The following CXCL5 variants were observed in gnomAD, a reference collection of about 807,000 sequenced individuals.
CXCL5 encodes the protein C-X-C motif chemokine 5.
Under a neutral mutation model 12.1 loss-of-function variants are expected in CXCL5, and 13 were observed. That is an observed-to-expected ratio of 1.08 (90% CI 0.70 to 1.71). CXCL5 has a LOEUF of 1.71. Ranked by LOEUF, CXCL5 falls within the 40% of genes most tolerant of loss-of-function variation. The pLI is 0.00. For missense variants in CXCL5, 159 were observed against 142.4 expected, an observed-to-expected ratio of 1.12 and a Z score of -0.59; for synonymous variants, 67 against 59.0, an observed-to-expected ratio of 1.14 and a Z score of -0.62.
In CXCL5 at chr4:73,998,077, C is replaced by A. The variant is rs774823743; in HGVS notation, c.261G>T (p.Gly87=). 1.9e-6 allele frequency: 3 copies of A among 1,613,916 alleles called. No individual in the cohort carries two copies. The highest frequency in any genetic ancestry group is 2.5e-6 in the Non-Finnish European group (3 of 1,180,036). Residue 87 remains glycine, a synonymous_variant, in exon 3 of 4, where the codon GGG becomes GGT. Transcript: ENST00000296027. Reference sequence around the variant, plus strand: ...CTTCTGGATCAAGACAAATTTCCTTCCCGTTCTTCAGGGAGGCTCTGAAGG... The same window carrying A: ...CTTCTGGATCAAGACAAATTTCCTTACCGTTCTTCAGGGAGGCTCTGAAGG... ...KVEVVASLKN[G]KEICLDPEAP...
chr4:73,997,410 A>G lies in CXCL5; in HGVS notation c.*227T>C, dbSNP rs1187268414. The G allele has an allele frequency of 4.2e-6, 2 of 481,544 alleles. No individual in the cohort carries two copies. The highest frequency in any genetic ancestry group is 2.0e-5 in the African/African-American group (1 of 49,546). 29.8% of individuals were successfully genotyped at this position (481,544 alleles called of 1,614,324 possible). ...TAAAATAACAGCAAATAGCAGAGGT[A>G]CTATGCTAAACACTTCATTAGCTGA... is the stretch of plus-strand genomic sequence containing the variant. On this transcript the variant is annotated 3_prime_UTR_variant, in exon 4 of 4. Transcript: ENST00000296027.
chr4:73,997,626 AT>A lies in CXCL5; in HGVS notation c.*10del. ...CTGGGAAACTTTTCCATGCGTGCTCATTTCTCTTAATCAGTTTTCCTTGTTT... is the reference window on the plus strand; with the variant it reads ...CTGGGAAACTTTTCCATGCGTGCTCATTCTCTTAATCAGTTTTCCTTGTTT... On this transcript the variant is annotated 3_prime_UTR_variant, in exon 4 of 4. Transcript: ENST00000296027. The A allele has an allele frequency of 6.2e-7, 1 of 1,608,102 alleles. No homozygotes were observed. Among genetic ancestry groups the A allele is most frequent in the Non-Finnish European group, 8.5e-7 (1 of 1,176,828 alleles).
chr4:73,998,626 G>A lies in CXCL5; in HGVS notation c.-45C>T. ...CGAGCGGTCGCGGGTTCCTGAACTG[G>A]GTGGAGGAGCGGAGATTGGAGGAGC... On this transcript the variant is annotated 5_prime_UTR_variant, in exon 1 of 4. Coordinates refer to ENST00000296027, the MANE Select transcript of CXCL5 (RefSeq NM_002994.5). 1.3e-6 allele frequency: 2 copies of A among 1,511,852 alleles called. No individual in the cohort carries two copies. The highest frequency in any genetic ancestry group is 2.4e-5 in the South Asian group (2 of 83,438). The allele number at this position is 1,511,852 out of a possible 1,614,324, so 93.7% of individuals were successfully genotyped here.
chr4:73,997,736 G>A (rs1400888030), intron 3 of CXCL5, 81 bp from the exon 4 acceptor site: 6 of 1,164,008 alleles, frequency 5.2e-6, no homozygotes, highest in Non-Finnish European at 6.2e-6. Context: ...CAGCGTTTAT[G>A]ATGTTTGGTA....
rs1476818190 is a variant in CXCL5, at chr4:73,996,749, C to T, written c.*888G>A. On this transcript the variant is annotated 3_prime_UTR_variant, in exon 4 of 4. Transcript: ENST00000296027. ...TTTCCAAAACTTTCAGAGTACAAGT[C>T]ATTGTTAAGTTTGCCTTTACTTTAA... is the stretch of plus-strand genomic sequence containing the variant. 2 of 152,452 alleles carry T rather than the reference C, an allele frequency of 1.3e-5. No homozygotes were observed. The highest frequency in any genetic ancestry group is 4.8e-5 in the African/African-American group (2 of 41,386). The allele number at this position is 152,452 out of a possible 1,614,324, so 9.4% of individuals were successfully genotyped here. A position where few individuals can be genotyped will look rare whatever the true frequency, so the allele number is the denominator to read the frequency against.
chr4:73,997,673 A>G lies in CXCL5; in HGVS notation c.327-18T>C, dbSNP rs200824893. ...TGTTTCCACTGTTGAGAAAAATGTT[A>G]TATTAGTTTAACCATTTTTCACACT... On this transcript the variant is annotated intron_variant, in intron 3 of 3. Transcript: ENST00000296027. 8.2e-6 allele frequency: 13 copies of G among 1,593,968 alleles called. No homozygotes were observed. Among genetic ancestry groups the G allele is most frequent in the African/African-American group, 1.3e-5 (1 of 74,346 alleles).
At position 73,997,110 on chromosome 4, in the gene CXCL5, T is replaced by G. The variant is rs1719210079; in HGVS notation, c.*527A>C. On this transcript the variant is annotated 3_prime_UTR_variant, in exon 4 of 4. Coordinates refer to ENST00000296027, the MANE Select transcript of CXCL5 (RefSeq NM_002994.5). ...GAAATAATTAAATAGTATCCCACAA[T>G]CAAGAGTAAGGAAATTCTCTAACAT... is the stretch of plus-strand genomic sequence containing the variant. 6.6e-6 allele frequency: 1 copy of G among 152,264 alleles called. No homozygotes were observed. Among genetic ancestry groups the G allele is most frequent in the Non-Finnish European group, 1.5e-5 (1 of 68,106 alleles). The allele number at this position is 152,264 out of a possible 1,614,324, so 9.4% of individuals were successfully genotyped here. A position where few individuals can be genotyped will look rare whatever the true frequency, so the allele number is the denominator to read the frequency against.
At position 73,996,524 on chromosome 4, in the gene CXCL5, G is replaced by A. The variant is rs1417426685; in HGVS notation, c.*1113C>T. 6.6e-6 allele frequency: 1 copy of A among 152,370 alleles called. No individual in the cohort carries two copies. Among genetic ancestry groups the A allele is most frequent in the African/African-American group, 2.4e-5 (1 of 41,360 alleles). The allele number at this position is 152,370 out of a possible 1,614,324, so 9.4% of individuals were successfully genotyped here. On this transcript the variant is annotated 3_prime_UTR_variant, in exon 4 of 4. Transcript: ENST00000296027. ...CTGGCCTTCTTCAAATTATGATTTT[G>A]GAAAATCTAACCCATACAGAGGGAT... is the stretch of plus-strand genomic sequence containing the variant.
Position 73,996,402 on chromosome 4 carries a change from A to G in CXCL5, c.*1235T>C, listed in dbSNP as rs1719193361. The stretch of plus-strand genomic sequence containing the variant: ...CTCGTCTTCTGCAATCCTCTAACCC[A>G]GGTTCTACTCTGTGAAAGGGGCCAA... On this transcript the variant is annotated 3_prime_UTR_variant, in exon 4 of 4. Coordinates refer to ENST00000296027, the MANE Select transcript of CXCL5 (RefSeq NM_002994.5). 6.6e-6 allele frequency: 1 copy of G among 152,506 alleles called. No individual in the cohort carries two copies. The highest frequency in any genetic ancestry group is 1.5e-5 in the Non-Finnish European group (1 of 68,054). 9.4% of individuals were successfully genotyped at this position (152,506 alleles called of 1,614,324 possible).
Position 73,998,062 on chromosome 4 carries a change from A to G in CXCL5, c.276T>C (p.Leu92=). The G allele has an allele frequency of 6.2e-7, 1 of 1,614,124 alleles. No individual in the cohort carries two copies. The highest frequency in any genetic ancestry group is 1.1e-5 in the South Asian group (1 of 91,060). Residue 92 remains leucine, a synonymous_variant, in exon 3 of 4, where the codon CTT becomes CTC. Coordinates refer to ENST00000296027, the MANE Select transcript of CXCL5 (RefSeq NM_002994.5). The part of the protein sequence containing the change: ...ASLKNGKEIC[L]DPEAPFLKKV... ...TCTTTAGAAAAGGGGCTTCTGGATC[A>G]AGACAAATTTCCTTCCCGTTCTTCA...
At position 73,998,456 on chromosome 4, in the gene CXCL5, G is replaced by A; in HGVS notation, c.109+17C>T. The A allele has an allele frequency of 6.2e-7, 1 of 1,605,944 alleles. No homozygotes were observed. The highest frequency in any genetic ancestry group is 8.5e-7 in the Non-Finnish European group (1 of 1,175,870). ...GTGCCCGAGTGCGAGTGCGTCCCGC[G>A]CGCCATGCGCTCTCACCGCTGGCGA... is the stretch of plus-strand genomic sequence containing the variant. On this transcript the variant is annotated intron_variant, in intron 1 of 3. Transcript: ENST00000296027.
rs775499405 is a variant in CXCL5 at position 73,998,553 on chromosome 4, C to T, written c.29G>A (p.Arg10His). 2.5e-6 allele frequency: 4 copies of T among 1,591,282 alleles called. No individual in the cohort carries two copies. In the East Asian group the frequency reaches 9.2e-5, roughly 37 times the overall value. Residue 10 changes from arginine to histidine, a missense_variant, in exon 1 of 4, where the codon CGT (arginine) becomes CAT (histidine). Coordinates refer to ENST00000296027, the MANE Select transcript of CXCL5 (RefSeq NM_002994.5). MSLLSSRAA[R>H]VPGPSSSLCA... is the part of the protein sequence containing the mutation. ...CAAGGAGCTCGAAGGACCGGGGACACGGGCCGCGCGGCTGGACAGGAGGCT... is the reference window on the plus strand; with the variant it reads ...CAAGGAGCTCGAAGGACCGGGGACATGGGCCGCGCGGCTGGACAGGAGGCT...
chr4:73,996,906 C>CA lies in CXCL5; in HGVS notation c.*730dup, dbSNP rs1719206250. 6.6e-6 allele frequency: 1 copy of CA among 151,974 alleles called. No homozygotes were observed. The highest frequency in any genetic ancestry group is 1.5e-5 in the Non-Finnish European group (1 of 67,982). The allele number at this position is 151,974 out of a possible 1,614,324, so 9.4% of individuals were successfully genotyped here. On this transcript the variant is annotated 3_prime_UTR_variant, in exon 4 of 4. Transcript: ENST00000296027. ...TCCTAATAAAATACTTAATAAATAG[C>CA]ATATAAAATCAAAGTTTAAAAGTAA...
intron 3 of CXCL5, 30 bp from the exon 4 acceptor site, chr4:73,997,685 C>G: frequency 6.4e-7 from 1 of 1,558,044 alleles, no homozygotes; most frequent in Non-Finnish European, 8.8e-7. Flanking sequence ...ATTAGTTTAA[C>G]CATTTTTCAC....
rs918673776 is a variant in CXCL5 at position 73,995,730 on chromosome 4, A to G, written c.*1907T>C. ...CACATAGTAAAAAAGTACAATTTTA[A>G]TATAGTGAATGTAATATATATGTAA... On this transcript the variant is annotated 3_prime_UTR_variant, in exon 4 of 4. Transcript: ENST00000296027. 2.0e-5 allele frequency: 3 copies of G among 151,616 alleles called. No individual in the cohort carries two copies. Among genetic ancestry groups the G allele is most frequent in the African/African-American group, 7.3e-5 (3 of 41,320 alleles). The allele number at this position is 151,616 out of a possible 1,614,324, so 9.4% of individuals were successfully genotyped here.
chr4:73,997,977 G>A (rs1327244345), intron 3 of CXCL5, 35 bp downstream of exon 3: 1 of 1,554,786 alleles, frequency 6.4e-7, no homozygotes, highest in African/African-American at 1.4e-5. Flanking sequence ...CCCTAGATCA[G>A]ATTTAGAAAC....
Position 73,998,203 on chromosome 4 carries a change from T to A in CXCL5, c.242+3A>T, listed in dbSNP as rs983797283. The A allele has an allele frequency of 6.2e-7, 1 of 1,614,188 alleles. No individual in the cohort carries two copies. The highest frequency in any genetic ancestry group is 2.2e-5 in the East Asian group (1 of 44,882). ...ACAGCGGACACAGCAGCACAGAACT[T>A]ACACCACTTCCACCTTGGAGCACTG... On this transcript the variant is annotated splice_donor_region_variant and intron_variant, in intron 2 of 3. Transcript: ENST00000296027.
In CXCL5 at chr4:73,995,850, AATAT is replaced by A. The variant is rs1719179979; in HGVS notation, c.*1783_*1786del. 4 of 148,210 alleles carry A rather than the reference AATAT, an allele frequency of 2.7e-5. No individual in the cohort carries two copies. The South Asian group carries it at 6.2e-4, about 23-fold the overall frequency. The allele number at this position is 148,210 out of a possible 1,614,324, so 9.2% of individuals were successfully genotyped here. ...AAATATATAATATATATTATATATA[AATAT>A]ATAATATATAAATACATACGTTTTT... On this transcript the variant is annotated 3_prime_UTR_variant, in exon 4 of 4. Coordinates refer to ENST00000296027, the MANE Select transcript of CXCL5 (RefSeq NM_002994.5).
rs879183368 is a variant in CXCL5 at position 73,998,205 on chromosome 4, C to T, written c.242+1G>A. The T allele has an allele frequency of 6.2e-7, 1 of 1,614,098 alleles. No individual in the cohort carries two copies. The highest frequency in any genetic ancestry group is 8.5e-7 in the Non-Finnish European group (1 of 1,180,028). The stretch of plus-strand genomic sequence containing the variant: ...AGCGGACACAGCAGCACAGAACTTA[C>T]ACCACTTCCACCTTGGAGCACTGTG... On this transcript the variant is annotated splice_donor_variant, in intron 2 of 3. Coordinates refer to ENST00000296027, the MANE Select transcript of CXCL5 (RefSeq NM_002994.5). LOFTEE classifies it high-confidence loss of function.
Sources: gnomAD v4.1 joint callset for allele counts on GRCh38, gnomAD v4.1.1 for gene constraint, MANE v1.5 for transcripts, NCBI Gene and HGNC (gene_info 2026-07-23, HGNC 2026-07-21) for gene names.